SLC12A8: variants seen among roughly 807,000 people sequenced by gnomAD.
SLC12A8 encodes solute carrier family 12 member 8, also known as cation-chloride cotransporter 9.
Under a neutral mutation model 75.6 loss-of-function variants are expected in SLC12A8, and 69 were observed. The observed-to-expected ratio is 0.91, with a 90% confidence interval of 0.75 to 1.11. SLC12A8 has a LOEUF of 1.11. SLC12A8 is among the 50% of genes most tolerant of loss of function. The pLI is 0.00. For missense variants in SLC12A8, 877 were observed against 896.7 expected, an observed-to-expected ratio of 0.98 and a Z score of 0.28; for synonymous variants, 365 against 372.8, an observed-to-expected ratio of 0.98 and a Z score of 0.24.
At chr3:125,092,053 C>G (rs575441285) in intron 11 of SLC12A8, 48 bp downstream of exon 11, 1 of 1,381,886 alleles carries the variant, frequency 7.2e-7, no homozygotes, top group African/African-American at 1.4e-5. Flanking sequence ...CATGTGTCCA[C>G]CTGAACTCTG....
intron 5 of SLC12A8, among the ~76,000 whole-genome samples, chr3:125,162,646 A>G (rs1187213146): frequency 6.6e-6 from 1 of 152,222 alleles, no homozygotes; most frequent in African/African-American, 2.4e-5. Flanking sequence ...TAATTGGCCT[A>G]TGTTGCGCTT....
At chr3:125,193,665 C>T (rs1480594696) in intron 2 of SLC12A8, among the ~76,000 whole-genome samples, 4 of 152,220 alleles carry the variant, frequency 2.6e-5, no homozygotes, top group African/African-American at 9.7e-5. Flanking sequence ...CGTCCACATA[C>T]ACACAAAGTA....
At chr3:125,181,246 G>T (rs961971744) in intron 4 of SLC12A8, among the ~76,000 whole-genome samples, 4 of 152,158 alleles carry the variant, frequency 2.6e-5, no homozygotes, top group African/African-American at 9.7e-5. Context: ...AAACTCAAGA[G>T]GCATAACTAA....
intron 8 of SLC12A8, among the ~76,000 whole-genome samples, chr3:125,114,205 C>A (rs1460146644): frequency 6.6e-6 from 1 of 152,170 alleles, no homozygotes; most frequent in African/African-American, 2.4e-5. Context: ...TCCTGAGAGG[C>A]AGGACTGTGT....
chr3:125,196,954 C>T (rs1007681015), intron 2 of SLC12A8, among the ~76,000 whole-genome samples: 1 of 152,070 alleles, frequency 6.6e-6, no homozygotes, highest in African/African-American at 2.4e-5. Context: ...TGACTATAAG[C>T]CAAGACATCC....
intron 7 of SLC12A8, 106 bp from the exon 8 acceptor site, chr3:125,118,962 T>A (rs2107749665): frequency 1.3e-6 from 1 of 742,530 alleles, no homozygotes; most frequent in African/African-American, 1.8e-5. Flanking sequence ...TGTATCAGAA[T>A]GAGAGAAAGG....
intron 5 of SLC12A8, among the ~76,000 whole-genome samples, chr3:125,168,333 G>C (rs1430666489): frequency 6.6e-6 from 1 of 152,174 alleles, no homozygotes; most frequent in Non-Finnish European, 1.5e-5. Context: ...GGAAGAAAAG[G>C]CTAACTAAAG....
At chr3:125,142,355 G>A (rs545940579) in intron 5 of SLC12A8, among the ~76,000 whole-genome samples, 2 of 152,344 alleles carry the variant, frequency 1.3e-5, no homozygotes, top group East Asian at 3.9e-4. Flanking sequence ...CCCTGGGCTG[G>A]GGATGGGGTT....
At chr3:125,127,692 G>T (rs1267755435) in intron 6 of SLC12A8, among the ~76,000 whole-genome samples, 1 of 152,156 alleles carries the variant, frequency 6.6e-6, no homozygotes, top group Non-Finnish European at 1.5e-5. Flanking sequence ...CTGTGGAGAA[G>T]TTTAAACAGA....
At chr3:125,101,007 G>A (rs1446167818) in intron 10 of SLC12A8, among the ~76,000 whole-genome samples, 39 of 107,284 alleles carry the variant, frequency 3.6e-4, no homozygotes, top group Non-Finnish European at 4.7e-4. Flanking sequence ...GCGACAGAGC[G>A]AGACTCCGTC....
intron 5 of SLC12A8, 116 bp downstream of exon 5, chr3:125,177,627 T>C (rs1934562420): frequency 1.1e-5 from 7 of 635,492 alleles, no homozygotes; most frequent in Non-Finnish European, 1.8e-5. Context: ...CTCACACCAA[T>C]TGTAGGTAAA....
intron 5 of SLC12A8, among the ~76,000 whole-genome samples, chr3:125,157,706 G>C (rs1438353700): frequency 6.6e-6 from 1 of 152,136 alleles, no homozygotes; most frequent in Admixed American, 6.6e-5. Flanking sequence ...TTACTACCAG[G>C]TGAACACTTG....
intron 6 of SLC12A8, among the ~76,000 whole-genome samples, chr3:125,124,404 G>A (rs1933143938): frequency 6.6e-6 from 1 of 152,134 alleles, no homozygotes; most frequent in Non-Finnish European, 1.5e-5. Context: ...TTGGCTCACT[G>A]CAACCTCCGC....
chr3:125,105,809 C>T (rs1312467507), intron 10 of SLC12A8, among the ~76,000 whole-genome samples: 1 of 152,090 alleles, frequency 6.6e-6, no homozygotes, highest in African/African-American at 2.4e-5. Context: ...GTGGGTAGAT[C>T]ACTTGAGGTC....
chr3:125,152,013 G>T (rs1367679224), intron 5 of SLC12A8, among the ~76,000 whole-genome samples: 1 of 152,244 alleles, frequency 6.6e-6, no homozygotes, highest in Non-Finnish European at 1.5e-5. Context: ...CAAGGATTGA[G>T]AAAGTGGCAG....
At chr3:125,177,688 A>C in intron 5 of SLC12A8, 55 bp downstream of exon 5, 2 of 1,447,656 alleles carry the variant, frequency 1.4e-6, no homozygotes, top group African/African-American at 2.8e-5. Flanking sequence ...ACCTACAAAC[A>C]TCTCTAAAGC....
chr3:125,191,455 G>A (rs1289299326), intron 2 of SLC12A8, among the ~76,000 whole-genome samples: 1 of 115,412 alleles, frequency 8.7e-6, no homozygotes, highest in Non-Finnish European at 1.6e-5. Context: ...GACCACAAAC[G>A]ACTACAGCAG....
At chr3:125,141,938 G>A (rs909665405) in intron 5 of SLC12A8, among the ~76,000 whole-genome samples, 1 of 152,110 alleles carries the variant, frequency 6.6e-6, no homozygotes, top group African/African-American at 2.4e-5. Context: ...CCGCTTCTGG[G>A]AAGGGACCCG....
intron 5 of SLC12A8, among the ~76,000 whole-genome samples, chr3:125,156,334 C>T (rs631691): frequency 0.5 from 75,254 of 152,026 alleles, 18,860 homozygotes; most frequent in Non-Finnish European, 0.51. Context: ...CCGGCTGCTT[C>T]GTCTCCAGTA....
Sources: allele counts gnomAD v4.1 joint callset (sites outside exome capture counted in the v4.1 genomes callset), GRCh38; gene constraint gnomAD v4.1.1; transcripts MANE v1.5; gene names NCBI Gene and HGNC (gene_info 2026-07-23, HGNC 2026-07-21).